Variants in CLDN14 observed in about 807,000 individuals in gnomAD.
CLDN14 encodes claudin 14.
A neutral mutation model predicts 2.1 loss-of-function variants in CLDN14; 2 were observed. That is an observed-to-expected ratio of 0.96 (90% CI 0.39 to 3.01). The LOEUF (loss-of-function observed/expected upper bound fraction) is 3.01. CLDN14 is among the 30% of genes most tolerant of loss of function. CLDN14 has a pLI of 0.09. For synonymous variants in CLDN14, 136 were observed against 154.4 expected (o/e 0.88, Z 0.88); for missense variants, 298 against 328.0 (o/e 0.91, Z 0.71).
chr21:36,530,696 G>T (rs1397304323), intron 1 of CLDN14, among the ~76,000 whole-genome samples: 1 of 152,170 alleles, frequency 6.6e-6, no homozygotes, highest in Non-Finnish European at 1.5e-5. Context: ...GGGCAGAGAG[G>T]GCTTTGGAGA....
chr21:36,567,017 C>T (rs1374219582), intron 1 of CLDN14, among the ~76,000 whole-genome samples: 1 of 152,230 alleles, frequency 6.6e-6, no homozygotes, highest in East Asian at 1.9e-4. Context: ...ATGAAAGATG[C>T]TGGAGCTACA....
intron 1 of CLDN14, among the ~76,000 whole-genome samples, chr21:36,515,291 G>A (rs999074805): frequency 1.3e-5 from 2 of 152,126 alleles, no homozygotes; most frequent in South Asian, 2.1e-4. Context: ...GTAGCCAAAA[G>A]GTTGAAACAA....
chr21:36,535,730 G>A (rs2087418968), intron 1 of CLDN14, among the ~76,000 whole-genome samples: 1 of 152,142 alleles, frequency 6.6e-6, no homozygotes. Flanking sequence ...TGAGATCATG[G>A]GGAATTTTTT....
intron 2 of CLDN14, among the ~76,000 whole-genome samples, chr21:36,494,444 G>T (rs2086996943): frequency 6.6e-6 from 1 of 152,188 alleles, no homozygotes; most frequent in Admixed American, 6.5e-5. Context: ...TGGCATGTTC[G>T]AGAGAATCTG....
intron 1 of CLDN14, chr21:36,576,301 C>G (rs1055432695): frequency 6.6e-6 from 1 of 152,214 alleles, no homozygotes; most frequent in African/African-American, 2.4e-5. Flanking sequence ...CACCCTACAC[C>G]TAACTCACCT....
chr21:36,466,886 AC>A (rs2086653307), intron 1 of CLDN14, among the ~76,000 whole-genome samples: 1 of 152,148 alleles, frequency 6.6e-6, no homozygotes, highest in Non-Finnish European at 1.5e-5. Context: ...TTAGGTAAAT[AC>A]CCCTATTCCA....
At chr21:36,521,617 A>T (rs2087271519) in intron 1 of CLDN14, among the ~76,000 whole-genome samples, 1 of 152,176 alleles carries the variant, frequency 6.6e-6, no homozygotes, top group Non-Finnish European at 1.5e-5. Context: ...TATTCCACAC[A>T]TTGGAGGTCC....
At chr21:36,546,634 A>G (rs1442817039) in intron 1 of CLDN14, among the ~76,000 whole-genome samples, 37 of 152,174 alleles carry the variant, frequency 2.4e-4, no homozygotes, top group Admixed American at 2.4e-3. Context: ...ACACAATGTA[A>G]ACGCTTACCT....
chr21:36,494,092 C>A (rs1227391295), intron 2 of CLDN14, among the ~76,000 whole-genome samples: 1 of 152,152 alleles, frequency 6.6e-6, no homozygotes, highest in Admixed American at 6.5e-5. Context: ...CGCAAAGAGC[C>A]CACCCGTGCT....
chr21:36,555,347 C>T (rs970129533), intron 1 of CLDN14, among the ~76,000 whole-genome samples: 6 of 152,312 alleles, frequency 3.9e-5, no homozygotes, highest in African/African-American at 7.2e-5. Flanking sequence ...GTACTCAGCA[C>T]GGGAATTGTC....
intron 2 of CLDN14, among the ~76,000 whole-genome samples, chr21:36,504,222 C>T (rs1248357655): frequency 1.3e-5 from 2 of 151,534 alleles, no homozygotes; most frequent in Non-Finnish European, 2.9e-5. Context: ...CGCCTGTAGT[C>T]CCAGCTACTT....
chr21:36,492,031 C>T (rs996056465), intron 2 of CLDN14, among the ~76,000 whole-genome samples: 4 of 152,034 alleles, frequency 2.6e-5, no homozygotes, highest in African/African-American at 7.2e-5. Context: ...TGGCTGACTG[C>T]GGTGGCTCAC....
intron 1 of CLDN14, among the ~76,000 whole-genome samples, chr21:36,525,850 G>A (rs1475431208): frequency 6.6e-6 from 1 of 152,164 alleles, no homozygotes; most frequent in African/African-American, 2.4e-5. Context: ...GTTACATGGA[G>A]TCTTTAAAAC....
upstream of CLDN14, among the ~76,000 whole-genome samples, chr21:36,482,415 T>C (rs975016394): frequency 3.4e-5 from 2 of 59,046 alleles, no homozygotes; most frequent in South Asian, 5.6e-4. Flanking sequence ...GATAGACGGA[T>C]GGATGGATGG....
chr21:36,532,951 T>C (rs1390500199), intron 1 of CLDN14, among the ~76,000 whole-genome samples: 1 of 152,172 alleles, frequency 6.6e-6, no homozygotes, highest in South Asian at 2.1e-4. Context: ...TCATGGGCTA[T>C]CTAACCCTTT....
chr21:36,461,095 T>A lies in CLDN14; in HGVS notation c.601A>T (p.Thr201Ser). 6.2e-7 allele frequency: 1 copy of A among 1,614,154 alleles called. No individual in the cohort carries two copies. Among genetic ancestry groups the A allele is most frequent in the Non-Finnish European group, 8.5e-7 (1 of 1,180,008 alleles). Residue 201 changes from threonine to serine, a missense_variant, in exon 2 of 2, where the codon ACC becomes TCC. Transcript: ENST00000399135. The part of the protein sequence containing the change: ...YRPYQAPPRA[T>S]TTTANTAPAY... ...GGTGCGGTGTTTGCAGTGGTCGTGGTGGCCCTGGGCGGGGCCTGGTAGGGC... is the reference window on the plus strand; with the variant it reads ...GGTGCGGTGTTTGCAGTGGTCGTGGAGGCCCTGGGCGGGGCCTGGTAGGGC...
chr21:36,565,171 A>G (rs1213194847), intron 1 of CLDN14, among the ~76,000 whole-genome samples: 1 of 152,196 alleles, frequency 6.6e-6, no homozygotes, highest in Non-Finnish European at 1.5e-5. Flanking sequence ...CTGTCCTCAG[A>G]ATCATTCACC....
At chr21:36,567,572 C>T (rs955664492) in intron 1 of CLDN14, among the ~76,000 whole-genome samples, 1 of 152,214 alleles carries the variant, frequency 6.6e-6, no homozygotes, top group Non-Finnish European at 1.5e-5. Flanking sequence ...TTTGATTGAG[C>T]TTTAATAACC....
chr21:36,488,566 G>A (rs999428507), intron 2 of CLDN14, among the ~76,000 whole-genome samples: 3 of 151,132 alleles, frequency 2.0e-5, no homozygotes, highest in Non-Finnish European at 2.9e-5. Context: ...CACCGCGCCC[G>A]GCCTGTGATT....
Sources: allele counts gnomAD v4.1 joint callset (sites outside exome capture counted in the v4.1 genomes callset), GRCh38; gene constraint gnomAD v4.1.1; transcripts MANE v1.5; gene names NCBI Gene and HGNC (gene_info 2026-07-23, HGNC 2026-07-21).